The following SEMA3D variants were observed in gnomAD, a reference collection of about 807,000 sequenced individuals.
The protein encoded by SEMA3D is semaphorin-3D.
SEMA3D carries 84 observed loss-of-function variants against 100.1 expected under a neutral mutation model. The ratio of observed to expected loss-of-function variants is 0.84; its 90% CI spans 0.70 to 1.01. The LOEUF (loss-of-function observed/expected upper bound fraction) is 1.01. Ranked by LOEUF, SEMA3D falls within the 50% of genes least tolerant of loss-of-function variation. The pLI is 0.00. For missense variants in SEMA3D, 875 were observed against 934.1 expected, an observed-to-expected ratio of 0.94 and a Z score of 0.82; for synonymous variants, 312 against 320.7, an observed-to-expected ratio of 0.97 and a Z score of 0.29.
chr7:85,042,326 C>A (rs778325318), intron 9 of SEMA3D, 41 bp from the exon 10 acceptor site: 8 of 1,386,634 alleles, frequency 5.8e-6, no homozygotes, highest in Non-Finnish European at 8.2e-6. Context: ...TTTATCAACA[C>A]AATTCTACCA....
chr7:85,237,673 T>C, the SEMA3D span, among the ~76,000 whole-genome samples: 1 of 152,328 alleles, frequency 6.6e-6, no homozygotes, highest in South Asian at 2.1e-4. Context: ...ATTTTTTATC[T>C]ATTCATCCTA....
chr7:85,063,293 CA>C (rs1327623801), intron 8 of SEMA3D, among the ~76,000 whole-genome samples: 5 of 152,064 alleles, frequency 3.3e-5, no homozygotes, highest in Non-Finnish European at 5.9e-5. Flanking sequence ...AGAACAGGAG[CA>C]AACTGAAAAT....
rs946840257 is a variant in SEMA3D, at chr7:85,128,826, TGGA to T, written c.-40-6898_-40-6896del. ...GTATCAGCATAAATAATTGGGTAGT[TGGA>T]AACTTGTTTTTCAAAGCAATACAGA... On this transcript the variant is annotated intron_variant, in intron 2 of 18. Transcript: ENST00000284136. Among the ~76,000 whole-genome samples, 15 of 151,212 alleles carry T rather than the reference TGGA, an allele frequency of 9.9e-5. 1 individual carries two copies. Among genetic ancestry groups the T allele is most frequent in the African/African-American group, 3.6e-4 (15 of 41,298 alleles).
intron 3 of SEMA3D, among the ~76,000 whole-genome samples, chr7:85,106,865 A>G (rs1279427380): frequency 6.6e-6 from 1 of 152,024 alleles, no homozygotes; most frequent in African/African-American, 2.4e-5. Flanking sequence ...CAACTCACTC[A>G]CTAAGAGGAG....
chr7:85,042,577 A>G (rs1468729121), intron 9 of SEMA3D, among the ~76,000 whole-genome samples: 2 of 152,134 alleles, frequency 1.3e-5, no homozygotes, highest in African/African-American at 2.4e-5. Context: ...CCACCTGCCA[A>G]TTTTTTGCTT....
chr7:85,060,813 C>T (rs77508716), intron 8 of SEMA3D, among the ~76,000 whole-genome samples: 2,662 of 152,228 alleles, frequency 0.017, 79 homozygotes, highest in African/African-American at 0.061. Context: ...GGAGAGTTTA[C>T]AGACAACAGA....
intron 1 of SEMA3D, among the ~76,000 whole-genome samples, chr7:85,180,530 T>C (rs1279134434): frequency 6.6e-6 from 1 of 152,226 alleles, no homozygotes; most frequent in Non-Finnish European, 1.5e-5. Context: ...AAATATAACA[T>C]TTAAGATAGA....
rs111710861 is a variant in SEMA3D, at chr7:85,029,620, C to A, written c.1192-7007G>T. Reference sequence around the variant, plus strand: ...GCAGAAGGCATGCTAGGAGGAATGCCAGGGGGATTTCCTGGTGGTAGAGCT... The same window carrying A: ...GCAGAAGGCATGCTAGGAGGAATGCAAGGGGGATTTCCTGGTGGTAGAGCT... On this transcript the variant is annotated intron_variant, in intron 12 of 18. Transcript: ENST00000284136. The A allele has an allele frequency of 5.9e-3, 2,643 of 446,908 alleles. 18 individuals carry two copies. The highest frequency in any genetic ancestry group is 8.8e-3 in the Non-Finnish European group (2,078 of 235,274). The allele number at this position is 446,908 out of a possible 1,614,324, so 27.7% of individuals were successfully genotyped here.
chr7:85,020,185 T>C (rs1057344319), intron 14 of SEMA3D, 48 bp downstream of exon 14: 2 of 1,245,916 alleles, frequency 1.6e-6, no homozygotes, highest in Non-Finnish European at 2.4e-6. Context: ...TAACAAGCGC[T>C]ACTCAGTTTC....
intron 8 of SEMA3D, among the ~76,000 whole-genome samples, chr7:85,063,012 TG>T (rs1562802108): frequency 6.6e-6 from 1 of 152,206 alleles, no homozygotes; most frequent in East Asian, 1.9e-4. Context: ...GCTACCTTCA[TG>T]GTACCACATG....
chr7:85,035,794 ATT>A (rs1334015332), intron 12 of SEMA3D, among the ~76,000 whole-genome samples: 2 of 151,770 alleles, frequency 1.3e-5, no homozygotes, highest in Non-Finnish European at 2.9e-5. Context: ...TGAAAATCAT[ATT>A]GTTTGAAAAA....
chr7:85,245,705 T>C, the SEMA3D span, among the ~76,000 whole-genome samples: 1 of 152,132 alleles, frequency 6.6e-6, no homozygotes, highest in Non-Finnish European at 1.5e-5. Context: ...ACATAGCATT[T>C]TTTTTCTTTC....
In SEMA3D at chr7:85,077,954, T is replaced by C. The variant is rs1300691583; in HGVS notation, c.375+3563A>G. Among the ~76,000 whole-genome samples, 3 of 152,146 alleles carry C rather than the reference T, an allele frequency of 2.0e-5. No individual in the cohort carries two copies. The East Asian group carries it at 5.8e-4, about 29-fold the overall frequency. Reference sequence around the variant, plus strand: ...GTACCAAACTTCTAACAATAGGGGATTGATTAAATAATACATAAAGAAATG... The same window carrying C: ...GTACCAAACTTCTAACAATAGGGGACTGATTAAATAATACATAAAGAAATG... On this transcript the variant is annotated intron_variant, in intron 5 of 18. Coordinates refer to ENST00000284136, the MANE Select transcript of SEMA3D (RefSeq NM_001384900.1).
the SEMA3D span, among the ~76,000 whole-genome samples, chr7:85,215,566 T>C: frequency 5.9e-5 from 9 of 152,130 alleles, no homozygotes; most frequent in Non-Finnish European, 1.0e-4. Context: ...TGAGTAATAG[T>C]TCTCAAACTG....
At chr7:85,219,428 T>C in the SEMA3D span, among the ~76,000 whole-genome samples, 1 of 148,640 alleles carries the variant, frequency 6.7e-6, no homozygotes, top group African/African-American at 2.5e-5. Context: ...ATTTATGTTA[T>C]TAGTACATTA....
chr7:85,240,906 C>T, the SEMA3D span, among the ~76,000 whole-genome samples: 135 of 152,128 alleles, frequency 8.9e-4, no homozygotes, highest in African/African-American at 3.1e-3. Context: ...AAAATCTTCA[C>T]AATCTATTCA....
intron 6 of SEMA3D, among the ~76,000 whole-genome samples, chr7:85,072,747 G>C (rs1325465393): frequency 6.6e-6 from 1 of 152,034 alleles, no homozygotes; most frequent in Non-Finnish European, 1.5e-5. Flanking sequence ...TTTAAAACAG[G>C]ATCTTACTAT....
At chr7:85,040,874 A>G in intron 10 of SEMA3D, 132 bp from the exon 11 acceptor site, 1 of 555,636 alleles carries the variant, frequency 1.8e-6, no homozygotes, top group Middle Eastern at 4.9e-4. Flanking sequence ...TTATGCCTTG[A>G]GAAATCAAAT....
intron 3 of SEMA3D, among the ~76,000 whole-genome samples, chr7:85,102,273 G>T (rs1464462229): frequency 6.6e-6 from 1 of 151,956 alleles, no homozygotes; most frequent in Non-Finnish European, 1.5e-5. Context: ...ACACTAGGCT[G>T]TACAGGAACA....
Sources: allele counts gnomAD v4.1 joint callset (sites outside exome capture counted in the v4.1 genomes callset), GRCh38; gene constraint gnomAD v4.1.1; transcripts MANE v1.5; gene names NCBI Gene and HGNC (gene_info 2026-07-23, HGNC 2026-07-21).